The following PPP2R2C variants were observed in gnomAD, a reference collection of about 807,000 sequenced individuals.
The protein encoded by PPP2R2C is protein phosphatase 2 regulatory subunit Bgamma, also known as protein phosphatase 2, regulatory subunit B, gamma.
PPP2R2C carries 10 observed loss-of-function variants against 45.3 expected under a neutral mutation model. The ratio of observed to expected loss-of-function variants is 0.22; its 90% confidence interval spans 0.14 to 0.37. PPP2R2C has a LOEUF of 0.37. PPP2R2C is among the 10% of genes least tolerant of loss of function. PPP2R2C has a pLI of 1.00. For missense variants in PPP2R2C, 308 were observed against 619.7 expected, an observed-to-expected ratio of 0.50 and a Z score of 5.34; for synonymous variants, 257 against 245.4, an observed-to-expected ratio of 1.05 and a Z score of -0.44.
intron 1 of PPP2R2C, among the ~76,000 whole-genome samples, chr4:6,416,274 T>G (rs991886896): frequency 1.5e-5 from 2 of 131,146 alleles, no homozygotes; most frequent in South Asian, 5.0e-4. Context: ...GATGTGTGGT[T>G]TTCCCCATTT....
intron 1 of PPP2R2C, among the ~76,000 whole-genome samples, chr4:6,388,137 TC>T (rs1034879474): frequency 6.6e-6 from 1 of 151,820 alleles, no homozygotes; most frequent in African/African-American, 2.4e-5. Flanking sequence ...ATGCTGTCCT[TC>T]CCCCCCTGAG....
intron 2 of PPP2R2C, among the ~76,000 whole-genome samples, chr4:6,511,223 A>G (rs1331392230): frequency 2.0e-5 from 3 of 152,000 alleles, no homozygotes; most frequent in Admixed American, 6.6e-5. Flanking sequence ...AGTGCTCAGT[A>G]CATGTTAGTC....
intron 5 of PPP2R2C, among the ~76,000 whole-genome samples, chr4:6,369,556 G>A (rs1027689457): frequency 6.6e-6 from 1 of 152,210 alleles, no homozygotes; most frequent in Non-Finnish European, 1.5e-5. Flanking sequence ...ACAGCTGTGG[G>A]GGGTTTTGTG....
chr4:6,452,606 G>A (rs1284133889), intron 1 of PPP2R2C, among the ~76,000 whole-genome samples: 1 of 152,230 alleles, frequency 6.6e-6, no homozygotes, highest in Non-Finnish European at 1.5e-5. Context: ...TAGGCTTTCA[G>A]CCGCTGCCCC....
intron 1 of PPP2R2C, among the ~76,000 whole-genome samples, chr4:6,390,051 G>T (rs1716493544): frequency 6.6e-6 from 1 of 152,178 alleles, no homozygotes; most frequent in African/African-American, 2.4e-5. Flanking sequence ...CCTGCAGGTG[G>T]GAGACCCTAG....
chr4:6,435,280 C>T (rs1243931495), intron 1 of PPP2R2C, among the ~76,000 whole-genome samples: 1 of 152,176 alleles, frequency 6.6e-6, no homozygotes, highest in Non-Finnish European at 1.5e-5. Flanking sequence ...CATTCCATTG[C>T]ATACTTCACT....
intron 4 of PPP2R2C, among the ~76,000 whole-genome samples, chr4:6,374,426 G>A (rs1279136587): frequency 1.3e-5 from 2 of 152,238 alleles, no homozygotes; most frequent in South Asian, 2.1e-4. Context: ...TGCTGCCTCC[G>A]CAGAAGCCAC....
Position 6,450,885 on chromosome 4 carries a change from G to A in PPP2R2C, c.70+21275C>T, listed in dbSNP as rs1181272992. 2.6e-5 allele frequency among the ~76,000 whole-genome samples: 4 copies of A among 152,228 alleles called. No individual in the cohort carries two copies. The South Asian group carries it at 6.2e-4, about 24-fold the overall frequency. On this transcript the variant is annotated intron_variant, in intron 1 of 8. Transcript: ENST00000382599. The stretch of plus-strand genomic sequence containing the variant: ...TAGCTCCTTGCTCACGTGGGAAGCC[G>A]CTGTGCCCTTCCCACACCTCCATCG...
chr4:6,370,768 G>C (rs56299747), intron 5 of PPP2R2C, among the ~76,000 whole-genome samples: 14,351 of 152,186 alleles, frequency 0.094, 2,245 homozygotes, highest in African/African-American at 0.33. Flanking sequence ...AAACATGCTC[G>C]TGCAGCAGAA....
At chr4:6,537,431 A>C (rs1477161193) in intron 1 of PPP2R2C, among the ~76,000 whole-genome samples, 1 of 151,862 alleles carries the variant, frequency 6.6e-6, no homozygotes, top group Non-Finnish European at 1.5e-5. Context: ...ACCTTCTAAA[A>C]CTTTGTTTTT....
intron 2 of PPP2R2C, among the ~76,000 whole-genome samples, chr4:6,517,504 A>G (rs1723861227): frequency 6.6e-6 from 1 of 152,196 alleles, no homozygotes; most frequent in Admixed American, 6.5e-5. Flanking sequence ...AGTACTCCCT[A>G]CACGTCAGGT....
intron 5 of PPP2R2C, among the ~76,000 whole-genome samples, chr4:6,352,846 T>C (rs978166934): frequency 6.6e-6 from 1 of 152,162 alleles, no homozygotes; most frequent in African/African-American, 2.4e-5. Context: ...AAAAGGGTCT[T>C]TGCAGATGTA....
chr4:6,495,562 C>G (rs561772627), intron 2 of PPP2R2C, among the ~76,000 whole-genome samples: 35 of 152,324 alleles, frequency 2.3e-4, no homozygotes, highest in African/African-American at 8.4e-4. Context: ...TGGGTTCATC[C>G]CATGCTCTGG....
rs1292420168 is a variant in PPP2R2C at position 6,333,543 on chromosome 4, C to G, written c.960+19G>C. 2 of 1,609,630 alleles carry G rather than the reference C, an allele frequency of 1.2e-6. No individual in the cohort carries two copies. The highest frequency in any genetic ancestry group is 1.7e-5 in the Admixed American group (1 of 59,704). On this transcript the variant is annotated intron_variant, in intron 7 of 8. Transcript: ENST00000382599. ...GGAAAAAAGACCCGGGATTGGGGGTCTCCTGCTGTGGTGCCCACCTGGTAG... is the reference window on the plus strand; with the variant it reads ...GGAAAAAAGACCCGGGATTGGGGGTGTCCTGCTGTGGTGCCCACCTGGTAG...
At chr4:6,497,961 G>A (rs539224826) in intron 2 of PPP2R2C, among the ~76,000 whole-genome samples, 5 of 152,344 alleles carry the variant, frequency 3.3e-5, no homozygotes, top group East Asian at 1.9e-4. Context: ...AAAAGCCTGC[G>A]AATGTGGAGA....
At chr4:6,376,454 T>C (rs1335460294) in intron 3 of PPP2R2C, among the ~76,000 whole-genome samples, 1 of 151,304 alleles carries the variant, frequency 6.6e-6, no homozygotes, top group Non-Finnish European at 1.5e-5. Flanking sequence ...GACATGTCTT[T>C]TTTTTTTTTT....
At chr4:6,486,469 G>C (rs1051168915) in intron 2 of PPP2R2C, among the ~76,000 whole-genome samples, 4 of 151,980 alleles carry the variant, frequency 2.6e-5, no homozygotes, top group Admixed American at 6.5e-5. Context: ...AGTAAGAGAA[G>C]GTTATTGAAA....
intron 2 of PPP2R2C, among the ~76,000 whole-genome samples, chr4:6,496,922 G>A (rs574568987): frequency 1.3e-4 from 20 of 150,374 alleles, no homozygotes; most frequent in East Asian, 5.9e-4. Flanking sequence ...GACACAGGGA[G>A]TGTGACGATG....
In PPP2R2C at chr4:6,368,879, T is replaced by C. The variant is rs1414604580; in HGVS notation, c.625+3644A>G. Among the ~76,000 whole-genome samples the C allele has an allele frequency of 6.6e-6, 1 of 152,128 alleles. No individual in the cohort carries two copies. Among genetic ancestry groups the C allele is most frequent in the Non-Finnish European group, 1.5e-5 (1 of 68,022 alleles). ...CCAAAGCTGGCTAGTGACACGCCCC[T>C]GTTTACAGTACATCAATAGCTTCAT... On this transcript the variant is annotated intron_variant, in intron 5 of 8. Coordinates refer to ENST00000382599, the MANE Select transcript of PPP2R2C (RefSeq NM_020416.4). This position sits in a 1 kb window ranked among gnomAD's most constrained non-coding sequence, Gnocchi z 4.2.
Sources: allele counts gnomAD v4.1 joint callset (sites outside exome capture counted in the v4.1 genomes callset), GRCh38; gene constraint gnomAD v4.1.1; non-coding constraint Gnocchi (gnomAD v3.1); transcripts MANE v1.5; gene names NCBI Gene and HGNC (gene_info 2026-07-23, HGNC 2026-07-21).